Variants in EPM2A observed in about 807,000 individuals in gnomAD.
EPM2A encodes the protein laforin.
In EPM2A, 21 loss-of-function variants were observed where a neutral mutation model predicts 26.5. The observed-to-expected ratio is 0.79, with a 90% confidence interval of 0.56 to 1.14. The LOEUF (loss-of-function observed/expected upper bound fraction) is 1.14. Ranked by LOEUF, EPM2A falls within the 50% of genes most tolerant of loss-of-function variation. EPM2A has a pLI of 0.00. For missense variants in EPM2A, 458 were observed against 440.8 expected, an observed-to-expected ratio of 1.04 and a Z score of -0.35; for synonymous variants, 217 against 177.6, an observed-to-expected ratio of 1.22 and a Z score of -1.76.
chr6:145,512,979 AC>A (rs1231683452), intron 2 of EPM2A, among the ~76,000 whole-genome samples: 2 of 151,830 alleles, frequency 1.3e-5, no homozygotes, highest in African/African-American at 4.8e-5. Flanking sequence ...TCTGGGAAAA[AC>A]TCTTCTGGAC....
chr6:145,514,156 T>C (rs1282210414), intron 2 of EPM2A, among the ~76,000 whole-genome samples: 5 of 152,158 alleles, frequency 3.3e-5, no homozygotes, highest in Non-Finnish European at 5.9e-5. Flanking sequence ...GTCTAAAAAA[T>C]GTAGTGGAGT....
intron 2 of EPM2A, among the ~76,000 whole-genome samples, chr6:145,603,417 C>A (rs547161323): frequency 1.1e-4 from 17 of 152,234 alleles, no homozygotes; most frequent in African/African-American, 3.9e-4. Flanking sequence ...GAACTGCATT[C>A]TTTCTTTCAA....
At chr6:145,631,954 G>C (rs1280378073) in intron 3 of EPM2A, 2 of 151,496 alleles carry the variant, frequency 1.3e-5, no homozygotes, top group Non-Finnish European at 2.9e-5. Flanking sequence ...TATGTGGGGG[G>C]CATATTTTTT....
intron 2 of EPM2A, among the ~76,000 whole-genome samples, chr6:145,607,125 C>T (rs2128551241): frequency 6.6e-6 from 1 of 152,268 alleles, no homozygotes; most frequent in South Asian, 2.1e-4. Context: ...CTCCAAACCA[C>T]TCCTGGTTTA....
chr6:145,520,383 C>T (rs918126396), intron 2 of EPM2A, among the ~76,000 whole-genome samples: 1 of 152,128 alleles, frequency 6.6e-6, no homozygotes, highest in African/African-American at 2.4e-5. Context: ...GCCTTATCTC[C>T]ATCACTGTGG....
chr6:145,569,259 T>C (rs1214267981), intron 2 of EPM2A, among the ~76,000 whole-genome samples: 3 of 152,248 alleles, frequency 2.0e-5, no homozygotes, highest in African/African-American at 7.2e-5. Context: ...ACTCTTTCAC[T>C]GGTACTACCA....
intron 1 of EPM2A, among the ~76,000 whole-genome samples, chr6:145,692,313 A>G (rs1340881293): frequency 6.6e-6 from 1 of 152,054 alleles, no homozygotes; most frequent in East Asian, 1.9e-4. Flanking sequence ...TAGAACAATT[A>G]GACAGAAAAT....
At chr6:145,671,514 A>T (rs1022994050) in intron 2 of EPM2A, 73 of 353,752 alleles carry the variant, frequency 2.1e-4, no homozygotes, top group Non-Finnish European at 2.7e-4. Flanking sequence ...ATCAGGTGTT[A>T]ACCTTGATTA....
chr6:145,683,313 GTA>G (rs1554263050), intron 2 of EPM2A, among the ~76,000 whole-genome samples: 8 of 147,372 alleles, frequency 5.4e-5, no homozygotes, highest in African/African-American at 1.7e-4. Flanking sequence ...GTGTGAGTGT[GTA>G]TATATTAGAT....
At chr6:145,476,177 T>C (rs1779540535) in intron 4 of EPM2A, among the ~76,000 whole-genome samples, 1 of 151,986 alleles carries the variant, frequency 6.6e-6, no homozygotes, top group Non-Finnish European at 1.5e-5. Flanking sequence ...AGTTGACTTG[T>C]AGACAAAGCA....
Position 145,494,222 on chromosome 6 carries a change from G to A in EPM2A, c.555+8300C>T, listed in dbSNP as rs528264696. On this transcript the variant is annotated intron_variant, in intron 4 of 4. Transcript: ENST00000638717. ...CTGACTCAATCTTGGGAGAGTGTATGTGTCCAGGAATTTATCCATTTCTTC... is the reference window on the plus strand; with the variant it reads ...CTGACTCAATCTTGGGAGAGTGTATATGTCCAGGAATTTATCCATTTCTTC... Among the ~76,000 whole-genome samples, 3 of 152,308 alleles carry A rather than the reference G, an allele frequency of 2.0e-5. No homozygotes were observed. The South Asian group carries it at 6.2e-4, about 32-fold the overall frequency.
chr6:145,653,345 C>T (rs1359034286), intron 2 of EPM2A, among the ~76,000 whole-genome samples: 2 of 152,302 alleles, frequency 1.3e-5, no homozygotes, highest in African/African-American at 4.8e-5. Flanking sequence ...CACCTGCTGC[C>T]ATGTAAGACA....
intron 2 of EPM2A, among the ~76,000 whole-genome samples, chr6:145,673,999 A>C (rs751130818): frequency 7.2e-4 from 110 of 152,336 alleles, no homozygotes; most frequent in Middle Eastern, 3.4e-3. Context: ...GTGGGTCCCC[A>C]ACCCCTGTGT....
intron 4 of EPM2A, among the ~76,000 whole-genome samples, chr6:145,384,335 G>GAAAAAAATAAAAAA (rs1554231731): frequency 2.0e-5 from 3 of 150,384 alleles, no homozygotes; most frequent in African/African-American, 4.9e-5. Context: ...GATGGCTGTT[G>GAAAAAAATAAAAAA]TAAGTTGGAT....
chr6:145,676,979 A>G (rs1004348763), intron 2 of EPM2A, among the ~76,000 whole-genome samples: 3 of 152,098 alleles, frequency 2.0e-5, no homozygotes, highest in African/African-American at 4.8e-5. Context: ...ACACACACAA[A>G]CAAAAGAGCA....
intron 2 of EPM2A, among the ~76,000 whole-genome samples, chr6:145,556,412 T>C (rs1780728714): frequency 6.6e-6 from 1 of 152,148 alleles, no homozygotes; most frequent in South Asian, 2.1e-4. Flanking sequence ...TAGAATTTTC[T>C]GAGCTTAGAA....
At chr6:145,655,856 TGACCCTG>T (rs1778241076) in intron 2 of EPM2A, among the ~76,000 whole-genome samples, 1 of 152,216 alleles carries the variant, frequency 6.6e-6, no homozygotes, top group African/African-American at 2.4e-5. Context: ...CATGAATGTG[TGACCCTG>T]GAATCAGCTA....
intron 4 of EPM2A, among the ~76,000 whole-genome samples, chr6:145,400,193 T>C (rs529043089): frequency 6.6e-6 from 1 of 152,180 alleles, no homozygotes; most frequent in Admixed American, 6.6e-5. Context: ...TGATATGAGA[T>C]GAAATGAAAG....
chr6:145,391,948 A>G (rs1018149012), intron 4 of EPM2A, among the ~76,000 whole-genome samples: 41 of 152,084 alleles, frequency 2.7e-4, no homozygotes, highest in African/African-American at 8.9e-4. Flanking sequence ...ATTTCAGCTT[A>G]ACTCAGTGGG....
Sources: allele counts gnomAD v4.1 joint callset (sites outside exome capture counted in the v4.1 genomes callset), GRCh38; gene constraint gnomAD v4.1.1; transcripts MANE v1.5; gene names NCBI Gene and HGNC (gene_info 2026-07-23, HGNC 2026-07-21).